The following ACOX3 variants were observed in gnomAD, a reference collection of about 807,000 sequenced individuals.
ACOX3 encodes acyl-CoA oxidase 3, pristanoyl.
In ACOX3, 73 loss-of-function variants were observed where a neutral mutation model predicts 81.5. That is an observed-to-expected ratio of 0.90 (90% confidence interval 0.74 to 1.09). The LOEUF (loss-of-function observed/expected upper bound fraction) is 1.09. Ranked by LOEUF, ACOX3 falls within the 50% of genes least tolerant of loss-of-function variation. The pLI, the probability that ACOX3 is intolerant of heterozygous loss-of-function variation, is 0.00. For missense variants in ACOX3, 947 were observed against 928.0 expected, an observed-to-expected ratio of 1.02 and a Z score of -0.27; for synonymous variants, 387 against 375.1, an observed-to-expected ratio of 1.03 and a Z score of -0.37.
rs751453102 is a variant in ACOX3 at position 8,392,421 on chromosome 4, T to C, written c.1212A>G (p.Ala404=). 5.0e-6 allele frequency: 8 copies of C among 1,607,898 alleles called. No individual in the cohort carries two copies. The highest frequency in any genetic ancestry group is 1.3e-5 in the African/African-American group (1 of 74,794). ...ACGAGGCCAGGGGCTTGCTGGCCGA[T>C]GCCAGGGCGTGGATCTCACGTCCAA... is the stretch of plus-strand genomic sequence containing the variant. ...AELGREIHAL[A]SASKPLASWT... The change falls in exon 11 of 18, where the codon GCA becomes GCG. Residue 404 remains alanine, a synonymous_variant. Coordinates refer to ENST00000356406, the MANE Select transcript of ACOX3 (RefSeq NM_003501.3).
intron 8 of ACOX3, among the ~76,000 whole-genome samples, chr4:8,398,071 G>C (rs1483100333): frequency 1.3e-5 from 2 of 152,206 alleles, no homozygotes; most frequent in African/African-American, 2.4e-5. Flanking sequence ...TGATGCAGGA[G>C]AATCACTTGA....
Position 8,414,812 on chromosome 4 carries a change from C to T in ACOX3, c.453+42G>A. ...TTCACAAATCTCTACAGAGATCAAGCAAGAGAACCAGGCTCACAATTTACC... is the reference window on the plus strand; with the variant it reads ...TTCACAAATCTCTACAGAGATCAAGTAAGAGAACCAGGCTCACAATTTACC... On this transcript the variant is annotated intron_variant, in intron 4 of 17. Coordinates refer to ENST00000356406, the MANE Select transcript of ACOX3 (RefSeq NM_003501.3). The surrounding 1 kb of genome is among the most constrained non-coding windows in gnomAD (Gnocchi z 6.1). 1 of 1,581,288 alleles carries T rather than the reference C, an allele frequency of 6.3e-7. No homozygotes were observed. Among genetic ancestry groups the T allele is most frequent in the South Asian group, 1.1e-5 (1 of 90,370 alleles).
intron 1 of ACOX3, among the ~76,000 whole-genome samples, chr4:8,422,448 C>T (rs984005039): frequency 3.1e-4 from 47 of 152,154 alleles, no homozygotes; most frequent in Admixed American, 4.6e-4. Context: ...AGGCCCAGAG[C>T]AAAACATAGA....
rs774383715 is a variant in ACOX3 at position 8,396,976 on chromosome 4, T to C, written c.1017A>G (p.Thr339=). ...CAAGCACTGGTATTTCCTCCTCCTC[T>C]GTGGGTCCAAACTGACGCCGAGTGG... The part of the protein sequence containing the change: ...FSATRRQFGP[T]EEEEIPVLEY... The change falls in exon 9 of 18, where the codon ACA becomes ACG. Residue 339 remains threonine (T), a synonymous_variant. Transcript: ENST00000356406. 1.9e-6 allele frequency: 3 copies of C among 1,612,092 alleles called. No individual in the cohort carries two copies. The highest frequency in any genetic ancestry group is 2.5e-6 in the Non-Finnish European group (3 of 1,179,342).
At position 8,368,167 on chromosome 4, in the gene ACOX3, C is replaced by T. The variant is rs150826223; in HGVS notation, c.1984-1087G>A. On this transcript the variant is annotated intron_variant, in intron 17 of 17. Transcript: ENST00000356406. The surrounding 1 kb of genome is among the most constrained non-coding windows in gnomAD (Gnocchi z 5.9). ...GCCACCAGCAGCAGGATGCCCTCGC[C>T]GAGTGGCCCTTACTGGCTGATTTCT... is the stretch of plus-strand genomic sequence containing the variant. Among the ~76,000 whole-genome samples, 27 of 152,330 alleles carry T rather than the reference C, an allele frequency of 1.8e-4. 1 individual carries two copies. In the East Asian group the frequency reaches 4.2e-3, roughly 24 times the overall value.
intron 11 of ACOX3, among the ~76,000 whole-genome samples, chr4:8,391,013 G>A (rs200840883): frequency 1.5e-5 from 2 of 129,236 alleles, no homozygotes; most frequent in South Asian, 5.2e-4. Context: ...GTATATGTAT[G>A]TGTATATGTA....
intron 11 of ACOX3, among the ~76,000 whole-genome samples, chr4:8,390,942 T>C (rs73209481): frequency 0.01 from 1,550 of 152,316 alleles, 14 homozygotes; most frequent in South Asian, 0.034. Context: ...CAGAAACATT[T>C]GCAATTGATT....
At position 8,407,955 on chromosome 4, in the gene ACOX3, C is replaced by T. The variant is rs1721192599; in HGVS notation, c.688-1912G>A. ...AGCTATGGCACAGAATGGCCAGACG[C>T]CAGAAGTGCTCAGCCCAGCCCTGGG... is the stretch of plus-strand genomic sequence containing the variant. On this transcript the variant is annotated intron_variant, in intron 6 of 17. Coordinates refer to ENST00000356406, the MANE Select transcript of ACOX3 (RefSeq NM_003501.3). The surrounding 1 kb of genome is among the most constrained non-coding windows in gnomAD (Gnocchi z 4.6). Among the ~76,000 whole-genome samples the T allele has an allele frequency of 6.6e-6, 1 of 152,160 alleles. No homozygotes were observed. Among genetic ancestry groups the T allele is most frequent in the African/African-American group, 2.4e-5 (1 of 41,430 alleles).
chr4:8,439,994 G>A (rs1360562539), intron 1 of ACOX3, among the ~76,000 whole-genome samples: 2 of 152,046 alleles, frequency 1.3e-5, no homozygotes, highest in African/African-American at 2.4e-5. Context: ...GGCCCTAGGA[G>A]TTAAAAAAAA....
intron 11 of ACOX3, 80 bp downstream of exon 11, chr4:8,392,253 C>G (rs149691985): frequency 1.5e-6 from 2 of 1,353,456 alleles, no homozygotes; most frequent in East Asian, 5.5e-5. Context: ...GTCCTCAGGC[C>G]GCAGTCTGCC....
At chr4:8,393,641 A>ACACACACATG (rs1560181975) in intron 10 of ACOX3, among the ~76,000 whole-genome samples, 5 of 52,940 alleles carry the variant, frequency 9.4e-5, no homozygotes, top group Non-Finnish European at 2.2e-4. Flanking sequence ...ACACACGCAC[A>ACACACACATG]CACACACACA....
In ACOX3 at chr4:8,370,987, T is replaced by G. The variant is rs1169327289; in HGVS notation, c.1904A>C (p.Asp635Ala). 6.2e-7 allele frequency: 1 copy of G among 1,613,926 alleles called. No individual in the cohort carries two copies. Among genetic ancestry groups the G allele is most frequent in the African/African-American group, 1.3e-5 (1 of 74,918 alleles). The change falls in exon 17 of 18, where the codon GAC (aspartate) becomes GCC (alanine). Residue 635 changes from aspartate to alanine, a missense_variant. Asp to Ala is a moderately radical substitution (Grantham distance 126). Coordinates refer to ENST00000356406, the MANE Select transcript of ACOX3 (RefSeq NM_003501.3). This position sits in a 1 kb window ranked among gnomAD's most constrained non-coding sequence, Gnocchi z 6.3. ...AVLALCSQLK[D>A]DAVALVDVIA... Reference sequence around the variant, plus strand: ...CACGTCTACCAGGGCAACTGCATCGTCTTTCAGCTGTTGGAAAACAAAGCC... The same window carrying G: ...CACGTCTACCAGGGCAACTGCATCGGCTTTCAGCTGTTGGAAAACAAAGCC...
intron 1 of ACOX3, chr4:8,439,246 C>A (rs1724443196): frequency 6.6e-6 from 1 of 152,174 alleles, no homozygotes; most frequent in South Asian, 2.1e-4. Flanking sequence ...CCATTGTACA[C>A]ATACTACTTA....
chr4:8,435,514 AAAG>A (rs1724185187), intron 1 of ACOX3, among the ~76,000 whole-genome samples: 1 of 152,206 alleles, frequency 6.6e-6, no homozygotes, highest in African/African-American at 2.4e-5. Flanking sequence ...GAAAAAAAAA[AAAG>A]AATTGCCCTC....
chr4:8,422,226 G>C (rs902651641), intron 1 of ACOX3, among the ~76,000 whole-genome samples: 6 of 151,932 alleles, frequency 3.9e-5, no homozygotes, highest in Non-Finnish European at 7.4e-5. Flanking sequence ...GAGAAAGAGA[G>C]AGACAGTCAA....
Position 8,416,411 on chromosome 4 carries a change from C to T in ACOX3, c.111G>A (p.Leu37=), listed in dbSNP as rs763333567. ...RASFSWKELA[L]FTEGEGMLRF... is the part of the protein sequence containing the mutation. ...GGAGCATGCCCTCCCCTTCCGTGAACAGCGCCAGCTCCTTCCAGCTGAAGG... is the reference window on the plus strand; with the variant it reads ...GGAGCATGCCCTCCCCTTCCGTGAATAGCGCCAGCTCCTTCCAGCTGAAGG... Residue 37 remains leucine (L), a synonymous_variant, in exon 2 of 18, where the codon CTG becomes CTA. Coordinates refer to ENST00000356406, the MANE Select transcript of ACOX3 (RefSeq NM_003501.3). This position sits in a 1 kb window ranked among gnomAD's most constrained non-coding sequence, Gnocchi z 4.2. 3.7e-6 allele frequency: 6 copies of T among 1,614,216 alleles called. No homozygotes were observed. The highest frequency in any genetic ancestry group is 1.1e-5 in the South Asian group (1 of 91,090).
rs937600075 is a variant in ACOX3 at position 8,382,265 on chromosome 4, C to T, written c.1538-658G>A. 2.6e-5 allele frequency among the ~76,000 whole-genome samples: 4 copies of T among 152,216 alleles called. No individual in the cohort carries two copies. The highest frequency in any genetic ancestry group is 9.6e-5 in the African/African-American group (4 of 41,470). ...GGCAGGACAGCTGGAGACCCCCCTTCGTCCTCCCCTTCCCCTGGCAGTGGT... is the reference window on the plus strand; with the variant it reads ...GGCAGGACAGCTGGAGACCCCCCTTTGTCCTCCCCTTCCCCTGGCAGTGGT... On this transcript the variant is annotated intron_variant, in intron 13 of 17. Transcript: ENST00000356406. This position sits in a 1 kb window ranked among gnomAD's most constrained non-coding sequence, Gnocchi z 4.1.
chr4:8,373,475 G>A lies in ACOX3; in HGVS notation c.1896+86C>T, dbSNP rs571705845. ...GGGTGATACTAAGGCGGTGCGTGTC[G>A]GTCTGGGTGATGCTAAGGGGATGCG... On this transcript the variant is annotated intron_variant, in intron 16 of 17. Coordinates refer to ENST00000356406, the MANE Select transcript of ACOX3 (RefSeq NM_003501.3). 4.3e-3 allele frequency: 6,055 copies of A among 1,418,766 alleles called. 21 individuals are homozygous for A. The highest frequency in any genetic ancestry group is 4.8e-3 in the Non-Finnish European group (4,896 of 1,022,490). The allele number at this position is 1,418,766 out of a possible 1,614,324, so 87.9% of individuals were successfully genotyped here.
At chr4:8,369,914 C>T (rs551639337) in intron 17 of ACOX3, among the ~76,000 whole-genome samples, 2 of 152,332 alleles carry the variant, frequency 1.3e-5, no homozygotes, top group South Asian at 4.1e-4. Flanking sequence ...CATTGACACG[C>T]CGAGTCCCTC....
Sources: gnomAD v4.1 joint callset for allele counts (sites outside exome capture counted in the v4.1 genomes callset) on GRCh38, gnomAD v4.1.1 for gene constraint, Gnocchi (gnomAD v3.1) non-coding constraint, MANE v1.5 for transcripts, NCBI Gene and HGNC (gene_info 2026-07-23, HGNC 2026-07-21) for gene names.